Variants in MAP3K5 observed in about 807,000 individuals in gnomAD.
MAP3K5 encodes the protein mitogen-activated protein kinase kinase kinase 5.
MAP3K5 carries 56 observed loss-of-function variants against 158.7 expected under a neutral mutation model. The observed-to-expected ratio is 0.35, with a 90% CI of 0.28 to 0.44. MAP3K5 has a LOEUF of 0.44. MAP3K5 is among the 20% of genes least tolerant of loss of function. The probability of loss-of-function intolerance (pLI) is 1.00; values close to 1 mark genes in which losing one functional copy is unlikely to be tolerated. For synonymous variants in MAP3K5, 579 were observed against 601.7 expected, an observed-to-expected ratio of 0.96 and a Z score of 0.55; for missense variants, 1,294 against 1,674.8, an observed-to-expected ratio of 0.77 and a Z score of 3.97.
chr6:136,790,140 A>G (rs534122327), intron 1 of MAP3K5, among the ~76,000 whole-genome samples: 8 of 152,338 alleles, frequency 5.3e-5, no homozygotes, highest in African/African-American at 1.7e-4. Context: ...GGAGGATTCA[A>G]TGAAATACAC....
At chr6:136,786,229 T>A (rs1784838680) in intron 1 of MAP3K5, among the ~76,000 whole-genome samples, 3 of 151,764 alleles carry the variant, frequency 2.0e-5, no homozygotes, top group African/African-American at 7.3e-5. Context: ...TACAAAAAAA[T>A]TAGCTGGAAT....
intron 2 of MAP3K5, among the ~76,000 whole-genome samples, chr6:136,707,272 T>A (rs1781117517): frequency 6.6e-6 from 1 of 152,202 alleles, no homozygotes. Context: ...ATACGCACAA[T>A]TGCTAAAAGT....
intron 1 of MAP3K5, among the ~76,000 whole-genome samples, chr6:136,739,137 T>G (rs998103026): frequency 1.3e-5 from 2 of 152,158 alleles, no homozygotes; most frequent in African/African-American, 4.8e-5. Context: ...GGAGCTCCCC[T>G]GACAAAGTAA....
chr6:136,699,281 C>T (rs926831910), intron 3 of MAP3K5, among the ~76,000 whole-genome samples: 2 of 152,154 alleles, frequency 1.3e-5, no homozygotes, highest in Non-Finnish European at 1.5e-5. Context: ...CATTTCCCTC[C>T]ATCTTCTCGG....
intron 1 of MAP3K5, among the ~76,000 whole-genome samples, chr6:136,751,464 T>TA: frequency 6.6e-6 from 1 of 152,348 alleles, no homozygotes; most frequent in East Asian, 1.9e-4. Context: ...AACATACTGA[T>TA]AAAGGCCTGC....
At chr6:136,634,889 C>CTT (rs58485489) in intron 14 of MAP3K5, among the ~76,000 whole-genome samples, 3 of 142,562 alleles carry the variant, frequency 2.1e-5, no homozygotes, top group African/African-American at 7.7e-5. Context: ...CTTTTCTTCT[C>CTT]TTTTTTTTTT....
intron 4 of MAP3K5, among the ~76,000 whole-genome samples, chr6:136,698,034 G>T (rs937544563): frequency 6.6e-6 from 1 of 152,144 alleles, no homozygotes; most frequent in African/African-American, 2.4e-5. Flanking sequence ...CATGAGCCAC[G>T]GCACTGGCCG....
chr6:136,674,109 T>C (rs1779601746), intron 7 of MAP3K5, among the ~76,000 whole-genome samples: 1 of 151,612 alleles, frequency 6.6e-6, no homozygotes, highest in Non-Finnish European at 1.5e-5. Flanking sequence ...CGTAGTGACA[T>C]CTTTAGAGTA....
intron 6 of MAP3K5, among the ~76,000 whole-genome samples, chr6:136,694,678 T>A (rs1780526520): frequency 6.6e-6 from 1 of 152,180 alleles, no homozygotes; most frequent in South Asian, 2.1e-4. Context: ...TAAAGCCAAG[T>A]AGGGACAAAA....
At chr6:136,571,064 G>A (rs542956445) in intron 25 of MAP3K5, among the ~76,000 whole-genome samples, 11 of 152,228 alleles carry the variant, frequency 7.2e-5, no homozygotes, top group African/African-American at 2.6e-4. Flanking sequence ...GGTTCCTTCT[G>A]AATGATGTCT....
Position 136,633,770 on chromosome 6 carries a change from T to C in MAP3K5, c.2016+3555A>G, listed in dbSNP as rs113355811. ...CACATTTGTAGTTTATAGAATCACATTAATAGTTACTGTTTTGCTGACTGC... is the reference window on the plus strand; with the variant it reads ...CACATTTGTAGTTTATAGAATCACACTAATAGTTACTGTTTTGCTGACTGC... On this transcript the variant is annotated intron_variant, in intron 14 of 29. Transcript: ENST00000359015. Among the ~76,000 whole-genome samples the C allele has an allele frequency of 3.7e-3, 561 of 152,338 alleles. 4 individuals carry two copies. Among genetic ancestry groups the C allele is most frequent in the African/African-American group, 0.012 (485 of 41,580 alleles).
At chr6:136,608,008 G>A (rs1776173895) in intron 18 of MAP3K5, among the ~76,000 whole-genome samples, 2 of 152,278 alleles carry the variant, frequency 1.3e-5, no homozygotes, top group South Asian at 4.1e-4. Context: ...TGCAGAGGTG[G>A]ACATCTGCGT....
chr6:136,739,504 T>C (rs1782623770), intron 1 of MAP3K5, among the ~76,000 whole-genome samples: 1 of 152,204 alleles, frequency 6.6e-6, no homozygotes, highest in Admixed American at 6.5e-5. Context: ...TACAGACATT[T>C]TTCTTATTTC....
Position 136,674,115 on chromosome 6 carries a change from G to A in MAP3K5, c.1254-4720C>T, listed in dbSNP as rs1252147963. Among the ~76,000 whole-genome samples the A allele has an allele frequency of 2.0e-5, 3 of 151,034 alleles. No individual in the cohort carries two copies. In the East Asian group the frequency reaches 5.8e-4, roughly 29 times the overall value. On this transcript the variant is annotated intron_variant, in intron 7 of 29. Transcript: ENST00000359015. ...AGAATACAACGTAGTGACATCTTTA[G>A]AGTAATAAAAGAAAAAAAAAAGTCT...
At chr6:136,683,054 GA>G (rs1380971820) in intron 7 of MAP3K5, among the ~76,000 whole-genome samples, 1 of 152,028 alleles carries the variant, frequency 6.6e-6, no homozygotes, top group Non-Finnish European at 1.5e-5. Flanking sequence ...CGGGGGAGCA[GA>G]AAAAAATACA....
At chr6:136,660,433 A>G (rs1778956989) in intron 8 of MAP3K5, among the ~76,000 whole-genome samples, 1 of 152,138 alleles carries the variant, frequency 6.6e-6, no homozygotes, top group South Asian at 2.1e-4. Context: ...AGAAAAAAAA[A>G]GGAACTAGAC....
Position 136,705,142 on chromosome 6 carries a change from C to T in MAP3K5, c.589-9G>A, listed in dbSNP as rs1363982346. 5 of 1,166,504 alleles carry T rather than the reference C, an allele frequency of 4.3e-6. No individual in the cohort carries two copies. Among genetic ancestry groups the T allele is most frequent in the African/African-American group, 1.6e-5 (1 of 60,878 alleles). 72.3% of individuals were successfully genotyped at this position (1,166,504 alleles called of 1,614,324 possible). On this transcript the variant is annotated splice_polypyrimidine_tract_variant and intron_variant, in intron 2 of 29. Transcript: ENST00000359015. ...TTCTGGCAAATTATTTCCTGAAAAA[C>T]AAGAAAAAAAATATACCACAAGTTA...
chr6:136,657,546 T>C (rs1291464444), intron 9 of MAP3K5, among the ~76,000 whole-genome samples: 1 of 152,234 alleles, frequency 6.6e-6, no homozygotes, highest in Admixed American at 6.5e-5. Context: ...TGCCTACTGC[T>C]GCACACAGTG....
intron 1 of MAP3K5, among the ~76,000 whole-genome samples, chr6:136,772,241 G>T (rs1035692034): frequency 2.0e-5 from 3 of 151,710 alleles, no homozygotes; most frequent in Non-Finnish European, 1.5e-5. Flanking sequence ...ATTTTGAGGG[G>T]GGGGGAGACC....
Sources: gnomAD v4.1 joint callset for allele counts (sites outside exome capture counted in the v4.1 genomes callset) on GRCh38, gnomAD v4.1.1 for gene constraint, MANE v1.5 for transcripts, NCBI Gene and HGNC (gene_info 2026-07-23, HGNC 2026-07-21) for gene names.